Variants in SNAP91 observed in about 807,000 individuals in gnomAD.
SNAP91 encodes the protein synaptosome associated protein 91, also known as clathrin coat assembly protein AP180.
SNAP91 carries 27 observed loss-of-function variants against 100.3 expected under a neutral mutation model. The observed-to-expected ratio is 0.27, with a 90% CI of 0.20 to 0.37. SNAP91 has a LOEUF of 0.37. SNAP91 is among the 10% of genes least tolerant of loss of function. SNAP91 has a pLI of 1.00. For synonymous variants in SNAP91, 404 were observed against 398.6 expected (o/e 1.01, Z -0.16); for missense variants, 986 against 1,123.7 (o/e 0.88, Z 1.75).
At chr6:83,577,318 A>T (rs184243646) in intron 24 of SNAP91, among the ~76,000 whole-genome samples, 3 of 152,336 alleles carry the variant, frequency 2.0e-5, no homozygotes, top group Admixed American at 2.0e-4. Flanking sequence ...TTAACTGAAC[A>T]CCAAATATAA....
chr6:83,605,886 A>G (rs2095578573), intron 13 of SNAP91, 83 bp from the exon 14 acceptor site: 1 of 1,111,474 alleles, frequency 9.0e-7, no homozygotes, highest in Admixed American at 2.8e-5. Context: ...TGCAGAAATC[A>G]TCAAAGATTT....
intron 2 of SNAP91, chr6:83,689,651 T>C (rs2099106237): frequency 1.3e-5 from 2 of 151,984 alleles, no homozygotes; most frequent in African/African-American, 2.4e-5. Flanking sequence ...ATAATCTAAG[T>C]ACAAAAATCA....
At chr6:83,687,917 T>C (rs2099081720) in intron 2 of SNAP91, among the ~76,000 whole-genome samples, 1 of 152,152 alleles carries the variant, frequency 6.6e-6, no homozygotes, top group Admixed American at 6.5e-5. Context: ...ACTGAATAGA[T>C]GCAGTTGTTA....
intron 11 of SNAP91, 112 bp downstream of exon 11, chr6:83,614,745 G>T (rs2128338031): frequency 1.3e-6 from 1 of 741,526 alleles, no homozygotes; most frequent in Non-Finnish European, 2.1e-6. Flanking sequence ...ATGTGTAAAA[G>T]GGACAGAAAT....
rs116035780 is a variant in SNAP91 at position 83,559,940 on chromosome 6, C to A, written c.2631+164G>T. ...GAGTTATTTCCATCACTTTTTCCCC[C>A]CCAAATCTCACTTTTGCAGATCTGT... On this transcript the variant is annotated intron_variant, in intron 28 of 29. Transcript: ENST00000369694. 8.1e-3 allele frequency among the ~76,000 whole-genome samples: 1,226 copies of A among 152,254 alleles called. 14 individuals are homozygous for A. Among genetic ancestry groups the A allele is most frequent in the African/African-American group, 0.028 (1,153 of 41,546 alleles).
intron 26 of SNAP91, among the ~76,000 whole-genome samples, chr6:83,562,301 C>A (rs1404266227): frequency 6.6e-6 from 1 of 152,116 alleles, no homozygotes; most frequent in Non-Finnish European, 1.5e-5. Context: ...TACTAGCATA[C>A]TGGATCCAGC....
At chr6:83,646,252 C>A (rs2097912759) in intron 7 of SNAP91, among the ~76,000 whole-genome samples, 1 of 152,098 alleles carries the variant, frequency 6.6e-6, no homozygotes, top group Non-Finnish European at 1.5e-5. Context: ...TCAATTATTT[C>A]TTCCATGGAT....
intron 8 of SNAP91, among the ~76,000 whole-genome samples, chr6:83,626,383 A>G (rs2096929812): frequency 6.6e-6 from 1 of 152,002 alleles, no homozygotes; most frequent in Non-Finnish European, 1.5e-5. Context: ...AATTTCTTCT[A>G]GTTCTGTGGA....
At chr6:83,697,367 A>ACAC (rs2099231950) in intron 2 of SNAP91, among the ~76,000 whole-genome samples, 2 of 87,038 alleles carry the variant, frequency 2.3e-5, no homozygotes, top group South Asian at 4.5e-4. Context: ...CACACACACA[A>ACAC]TGCCGGCAAA....
intron 18 of SNAP91, 43 bp downstream of exon 18, chr6:83,593,435 T>C (rs1183862819): frequency 6.5e-7 from 1 of 1,543,040 alleles, no homozygotes; most frequent in African/African-American, 1.4e-5. Context: ...CAGAATTCAA[T>C]CCACTAGACG....
intron 22 of SNAP91, among the ~76,000 whole-genome samples, chr6:83,583,244 G>GC (rs1370440711): frequency 6.6e-6 from 1 of 151,952 alleles, no homozygotes; most frequent in Non-Finnish European, 1.5e-5. Context: ...CTGGTACATG[G>GC]CCCCCTGCTA....
At position 83,580,501 on chromosome 6, in the gene SNAP91, T is replaced by C. The variant is rs368885530; in HGVS notation, c.2248A>G (p.Ser750Gly). ...MVPPSPAMAA[S>G]KALGSDLDSS... ...TCAAGATCACTTCCAAGGGCTTTGC[T>C]GGCTGCCATTGCAGGACTGGGTGGT... The change falls in exon 24 of 30, where the codon AGC becomes GGC. Residue 750 changes from serine to glycine, a missense_variant. This residue lies in a region of SNAP91 where 575 missense variants were observed against 579.9 expected (regional missense o/e 0.99). Transcript: ENST00000369694. 2.5e-6 allele frequency: 4 copies of C among 1,613,576 alleles called. No individual in the cohort carries two copies. In the African/African-American group the frequency reaches 5.3e-5, roughly 22 times the overall value.
chr6:83,614,989 G>A, intron 10 of SNAP91, 127 bp from the exon 11 acceptor site: 2 of 618,712 alleles, frequency 3.2e-6, no homozygotes, highest in Middle Eastern at 4.4e-4. Context: ...ATTCAGAAGA[G>A]AAATATGACA....
intron 26 of SNAP91, among the ~76,000 whole-genome samples, chr6:83,562,934 T>C (rs1790410561): frequency 6.6e-6 from 1 of 152,210 alleles, no homozygotes; most frequent in Non-Finnish European, 1.5e-5. Flanking sequence ...CTGTAACTTT[T>C]ATTACTTACA....
intron 2 of SNAP91, among the ~76,000 whole-genome samples, chr6:83,696,131 T>C (rs942874990): frequency 6.6e-6 from 1 of 152,058 alleles, no homozygotes; most frequent in African/African-American, 2.4e-5. Context: ...CAGAAAAACA[T>C]GAACACACTG....
At chr6:83,593,763 A>G (rs1306709978) in intron 17 of SNAP91, 22 bp from the exon 18 acceptor site, 1 of 1,540,860 alleles carries the variant, frequency 6.5e-7, no homozygotes, top group Non-Finnish European at 8.7e-7. Context: ...GAAAGTGGAG[A>G]CACACACAGC....
chr6:83,587,163 G>A (rs150624426), intron 22 of SNAP91, among the ~76,000 whole-genome samples: 1 of 152,042 alleles, frequency 6.6e-6, no homozygotes, highest in Admixed American at 6.5e-5. Flanking sequence ...GGTTCTTAAT[G>A]TTTAGTTTAA....
chr6:83,643,138 T>A (rs1455473156), intron 7 of SNAP91, among the ~76,000 whole-genome samples: 1 of 152,180 alleles, frequency 6.6e-6, no homozygotes, highest in Non-Finnish European at 1.5e-5. Flanking sequence ...ATTTTGTAGG[T>A]TGCCTATTCA....
At chr6:83,563,383 A>G (rs1017080686) in intron 26 of SNAP91, among the ~76,000 whole-genome samples, 8 of 152,112 alleles carry the variant, frequency 5.3e-5, no homozygotes, top group Non-Finnish European at 1.2e-4. Flanking sequence ...AAATTCCTCA[A>G]CCCAATAAAG....
Sources: allele counts gnomAD v4.1 joint callset (sites outside exome capture counted in the v4.1 genomes callset), GRCh38; gene constraint gnomAD v4.1.1; regional missense constraint gnomAD v4.1.1; transcripts MANE v1.5; gene names NCBI Gene and HGNC (gene_info 2026-07-23, HGNC 2026-07-21).